Variants in GLT1D1 observed in about 807,000 individuals in gnomAD.
The protein encoded by GLT1D1 is glycosyltransferase 1 domain containing 1.
GLT1D1 carries 21 observed loss-of-function variants against 28.7 expected under a neutral mutation model. The observed-to-expected ratio is 0.73, with a 90% CI of 0.52 to 1.05. GLT1D1 has a LOEUF of 1.05. Ranked by LOEUF, GLT1D1 falls within the 50% of genes least tolerant of loss-of-function variation. The pLI, the probability that GLT1D1 is intolerant of heterozygous loss-of-function variation, is 0.00. For synonymous variants in GLT1D1, 147 were observed against 124.8 expected (o/e 1.18, Z -1.19); for missense variants, 343 against 330.6 (o/e 1.04, Z -0.29).
At chr12:128,979,853 C>A (rs1254989661) in intron 7 of GLT1D1, among the ~76,000 whole-genome samples, 1 of 152,160 alleles carries the variant, frequency 6.6e-6, no homozygotes, top group Admixed American at 6.5e-5. Flanking sequence ...TTACACTAAC[C>A]TATAGTTGGG....
At chr12:128,966,482 G>A (rs916173154) in intron 7 of GLT1D1, among the ~76,000 whole-genome samples, 4 of 152,096 alleles carry the variant, frequency 2.6e-5, no homozygotes, top group African/African-American at 7.2e-5. Context: ...CATGTGTCAC[G>A]GTGCCACACT....
At chr12:128,939,417 A>AG (rs983042433) in intron 4 of GLT1D1, among the ~76,000 whole-genome samples, 2 of 150,452 alleles carry the variant, frequency 1.3e-5, no homozygotes, top group Non-Finnish European at 3.0e-5. Flanking sequence ...AAAAAAAAAA[A>AG]GTACACATTT....
chr12:128,948,113 G>T (rs1876314278), intron 6 of GLT1D1, among the ~76,000 whole-genome samples: 2 of 152,150 alleles, frequency 1.3e-5, no homozygotes, highest in Non-Finnish European at 2.9e-5. Context: ...ACCCAGGCAG[G>T]CCCTGGCTGG....
chr12:128,868,970 A>G (rs1291657307), intron 1 of GLT1D1, among the ~76,000 whole-genome samples: 1 of 152,140 alleles, frequency 6.6e-6, no homozygotes, highest in Non-Finnish European at 1.5e-5. Context: ...GCCGGGTTCA[A>G]GTGATTCTCC....
intron 1 of GLT1D1, among the ~76,000 whole-genome samples, chr12:128,863,945 C>CAAAA (rs35052910): frequency 1.8e-5 from 1 of 56,158 alleles, no homozygotes; most frequent in African/African-American, 6.8e-5. Flanking sequence ...GACTCCATCT[C>CAAAA]AAAAAAAAAA....
At chr12:128,873,038 G>A (rs1209497748) in intron 1 of GLT1D1, among the ~76,000 whole-genome samples, 1 of 152,074 alleles carries the variant, frequency 6.6e-6, no homozygotes, top group East Asian at 1.9e-4. Context: ...GGGATGACGG[G>A]TGCATGTCAC....
chr12:128,957,655 T>C lies in GLT1D1; in HGVS notation c.639+12T>C, dbSNP rs1877442302. ...TTTCCAATCCTCAGGTAAAGAAAAGTTCTTTCCCTCCATTCACTCACCTTA... is the reference window on the plus strand; with the variant it reads ...TTTCCAATCCTCAGGTAAAGAAAAGCTCTTTCCCTCCATTCACTCACCTTA... On this transcript the variant is annotated intron_variant, in intron 7 of 7. Transcript: ENST00000281703. The C allele has an allele frequency of 1.9e-6, 3 of 1,538,712 alleles. No homozygotes were observed. Among genetic ancestry groups the C allele is most frequent in the Non-Finnish European group, 2.7e-6 (3 of 1,111,528 alleles).
rs999169366 is a variant in GLT1D1, at chr12:128,984,097, A to G, written c.*1007A>G. 1 of 152,240 alleles carries G rather than the reference A, an allele frequency of 6.6e-6. No individual in the cohort carries two copies. Among genetic ancestry groups the G allele is most frequent in the Admixed American group, 6.5e-5 (1 of 15,276 alleles). The allele number at this position is 152,240 out of a possible 1,614,324, so 9.4% of individuals were successfully genotyped here. A position where few individuals can be genotyped will look rare whatever the true frequency, so the allele number is the denominator to read the frequency against. Reference sequence around the variant, plus strand: ...CTCCACTGAATACTGAAATTGTTGCATGCCTGTGGATTCCTTACGACAATG... The same window carrying G: ...CTCCACTGAATACTGAAATTGTTGCGTGCCTGTGGATTCCTTACGACAATG... On this transcript the variant is annotated 3_prime_UTR_variant, in exon 8 of 8. Coordinates refer to ENST00000281703, the MANE Select transcript of GLT1D1 (RefSeq NM_144669.3).
chr12:128,965,306 G>A (rs1878343807), intron 7 of GLT1D1, among the ~76,000 whole-genome samples: 1 of 152,194 alleles, frequency 6.6e-6, no homozygotes, highest in Non-Finnish European at 1.5e-5. Flanking sequence ...GGCGACCCCT[G>A]GTTGACAGCC....
chr12:128,887,902 C>T (rs963964378), intron 2 of GLT1D1, among the ~76,000 whole-genome samples: 4 of 152,052 alleles, frequency 2.6e-5, no homozygotes, highest in Admixed American at 6.6e-5. Context: ...GGAGTCCTTT[C>T]GGGGAGTCGC....
At chr12:128,888,840 G>C (rs1039072490) in intron 3 of GLT1D1, 96 bp downstream of exon 3, 1 of 788,012 alleles carries the variant, frequency 1.3e-6, no homozygotes, top group Non-Finnish European at 2.1e-6. Flanking sequence ...TGCCGGGAAG[G>C]TTTACATCTT....
Position 128,943,438 on chromosome 12 carries a change from G to T in GLT1D1, c.376-1888G>T, listed in dbSNP as rs1210079169. 4.6e-5 allele frequency among the ~76,000 whole-genome samples: 7 copies of T among 152,054 alleles called. No individual in the cohort carries two copies. In the South Asian group the frequency reaches 1.2e-3, roughly 27 times the overall value. On this transcript the variant is annotated intron_variant, in intron 4 of 7. Coordinates refer to ENST00000281703, the MANE Select transcript of GLT1D1 (RefSeq NM_144669.3). ...ACATTTGGATCAAAAAGAGGAACCGGCAAGTAGATCCTAAAACACATTTCT... is the reference window on the plus strand; with the variant it reads ...ACATTTGGATCAAAAAGAGGAACCGTCAAGTAGATCCTAAAACACATTTCT...
chr12:128,931,736 C>T (rs944094747), intron 4 of GLT1D1, among the ~76,000 whole-genome samples: 2 of 152,186 alleles, frequency 1.3e-5, no homozygotes, highest in African/African-American at 4.8e-5. Context: ...AATCTTGTCC[C>T]TGCAGGGCCG....
chr12:128,945,311 T>G lies in GLT1D1; in HGVS notation c.376-15T>G, dbSNP rs2135489816. 2 of 1,613,910 alleles carry G rather than the reference T, an allele frequency of 1.2e-6. No individual in the cohort carries two copies. The highest frequency in any genetic ancestry group is 2.2e-5 in the South Asian group (2 of 91,078). ...CAGGCGGCGACCGCTGACATTTATC[T>G]TTGTCTCTTTTCAGGTCGATCCAGT... is the stretch of plus-strand genomic sequence containing the variant. On this transcript the variant is annotated splice_polypyrimidine_tract_variant and intron_variant, in intron 4 of 7. Coordinates refer to ENST00000281703, the MANE Select transcript of GLT1D1 (RefSeq NM_144669.3).
chr12:128,943,494 T>C (rs1875612569), intron 4 of GLT1D1, among the ~76,000 whole-genome samples: 1 of 152,168 alleles, frequency 6.6e-6, no homozygotes, highest in Admixed American at 6.5e-5. Context: ...AACATATAGA[T>C]TTTAATTACA....
intron 6 of GLT1D1, 55 bp from the exon 11 acceptor site, chr12:128,957,490 C>G (rs75453126): frequency 1.2e-5 from 15 of 1,233,354 alleles, no homozygotes; most frequent in Non-Finnish European, 1.7e-5. Flanking sequence ...CTCATCTTGC[C>G]GCAGAGGCTC....
chr12:128,881,953 C>A (rs1157703283), intron 2 of GLT1D1, among the ~76,000 whole-genome samples: 5 of 151,964 alleles, frequency 3.3e-5, no homozygotes, highest in Non-Finnish European at 7.4e-5. Context: ...TGATGAACAG[C>A]CTTCTGCATA....
chr12:128,912,997 T>C (rs1011295957), intron 4 of GLT1D1, among the ~76,000 whole-genome samples: 1 of 152,200 alleles, frequency 6.6e-6, no homozygotes, highest in African/African-American at 2.4e-5. Context: ...TGATTTAAAA[T>C]GCGGATCACT....
chr12:128,964,609 C>T (rs144951068), intron 7 of GLT1D1, among the ~76,000 whole-genome samples: 139 of 152,284 alleles, frequency 9.1e-4, no homozygotes, highest in Non-Finnish European at 1.3e-3. Context: ...AATTCCAGGA[C>T]GTCAACACCT....
Sources: allele counts gnomAD v4.1 joint callset (sites outside exome capture counted in the v4.1 genomes callset), GRCh38; gene constraint gnomAD v4.1.1; transcripts MANE v1.5; gene names NCBI Gene and HGNC (gene_info 2026-07-23, HGNC 2026-07-21).